SEMA4B: variants seen among roughly 807,000 people sequenced by gnomAD.
SEMA4B encodes semaphorin 4B.
SEMA4B carries 55 observed loss-of-function variants against 88.1 expected under a neutral mutation model. The ratio of observed to expected loss-of-function variants is 0.62; its 90% CI spans 0.50 to 0.78. SEMA4B has a LOEUF of 0.78. Ranked by LOEUF, SEMA4B falls within the 30% of genes least tolerant of loss-of-function variation. The probability of loss-of-function intolerance (pLI) is 0.00; values close to 1 mark genes in which losing one functional copy is unlikely to be tolerated. For synonymous variants in SEMA4B, 525 were observed against 473.6 expected, an observed-to-expected ratio of 1.11 and a Z score of -1.41; for missense variants, 1,062 against 1,111.9, an observed-to-expected ratio of 0.96 and a Z score of 0.64.
chr15:90,204,423 A>C (rs568401165), intron 1 of SEMA4B, among the ~76,000 whole-genome samples: 2 of 152,150 alleles, frequency 1.3e-5, no homozygotes, highest in Non-Finnish European at 2.9e-5. Context: ...ATTATTGTTG[A>C]TGAACAGCAC....
Position 90,212,035 on chromosome 15 carries a change from TTCCTGTCTCACCCC to T in SEMA4B, c.158-5403_158-5390del, listed in dbSNP as rs1419955105. ...AGGGTGGGGATGGTGCTGAGCCCTA[TTCCTGTCTCACCCC>T]AGAGAGCTCCAGGCTTCCGGCTGAG... On this transcript the variant is annotated intron_variant, in intron 1 of 13. Transcript: ENST00000411539. This position sits in a 1 kb window ranked among gnomAD's most constrained non-coding sequence, Gnocchi z 4.0. Among the ~76,000 whole-genome samples, 1 of 152,036 alleles carries T rather than the reference TTCCTGTCTCACCCC, an allele frequency of 6.6e-6. No homozygotes were observed. The highest frequency in any genetic ancestry group is 6.5e-5 in the Admixed American group (1 of 15,270).
At chr15:90,199,159 C>A (rs904935585), upstream of SEMA4B, among the ~76,000 whole-genome samples, 1 of 152,062 alleles carries the variant, frequency 6.6e-6, no homozygotes, top group African/African-American at 2.4e-5. Context: ...CAGGCGTGAG[C>A]CACCACCCCT....
chr15:90,212,400 C>T lies in SEMA4B; in HGVS notation c.158-5039C>T, dbSNP rs1251080117. 1.3e-5 allele frequency among the ~76,000 whole-genome samples: 2 copies of T among 152,128 alleles called. No homozygotes were observed. Among genetic ancestry groups the T allele is most frequent in the East Asian group, 1.9e-4 (1 of 5,190 alleles). ...AAAACCGGCCGCAGCCTCGGCGTGC[C>T]CTGCTTTCTTCATACTGGACTAACC... On this transcript the variant is annotated intron_variant, in intron 1 of 13. Coordinates refer to ENST00000411539, the MANE Select transcript of SEMA4B (RefSeq NM_198925.4). The surrounding 1 kb of genome is among the most constrained non-coding windows in gnomAD (Gnocchi z 4.0).
At chr15:90,226,669 G>A (rs907261548) in intron 12 of SEMA4B, among the ~76,000 whole-genome samples, 1 of 152,096 alleles carries the variant, frequency 6.6e-6, no homozygotes, top group African/African-American at 2.4e-5. Context: ...TATAACATTG[G>A]CAACTGTCCT....
chr15:90,222,210 G>C (rs1306859027), intron 7 of SEMA4B, among the ~76,000 whole-genome samples: 1 of 148,216 alleles, frequency 6.7e-6, no homozygotes, highest in African/African-American at 2.5e-5. Flanking sequence ...AAAGTGCTGG[G>C]ATTACAGGCA....
chr15:90,224,436 A>G (rs1340705974), intron 9 of SEMA4B, among the ~76,000 whole-genome samples: 2 of 152,224 alleles, frequency 1.3e-5, no homozygotes, highest in Non-Finnish European at 2.9e-5. Context: ...GATGCCAGGA[A>G]GCAGCATGAA....
At chr15:90,186,551 G>A (rs934495024) in intron 1 of SEMA4B, among the ~76,000 whole-genome samples, 7 of 151,988 alleles carry the variant, frequency 4.6e-5, no homozygotes, top group Admixed American at 2.6e-4. Context: ...TCTGGGAGGC[G>A]GAGGTTCCCT....
chr15:90,201,954 AGG>A (rs1021549719), intron 1 of SEMA4B, among the ~76,000 whole-genome samples: 1 of 152,146 alleles, frequency 6.6e-6, no homozygotes, highest in Non-Finnish European at 1.5e-5. Flanking sequence ...CTTTCTGCGT[AGG>A]GATGGGGTCT....
At chr15:90,192,586 C>CTTTTTTTTTTTTTTTTTTTTTTTTTTATT in intron 1 of SEMA4B, among the ~76,000 whole-genome samples, 1 of 88,668 alleles carries the variant, frequency 1.1e-5, no homozygotes, top group Non-Finnish European at 2.1e-5. Flanking sequence ...TCCCTTGTAG[C>CTTTTTTTTTTTTTTTTTTTTTTTTTTATT]TTTTTTTTTT....
intron 7 of SEMA4B, among the ~76,000 whole-genome samples, chr15:90,222,249 C>CTTTTTTT (rs766999023): frequency 9.6e-6 from 1 of 104,350 alleles, no homozygotes; most frequent in African/African-American, 4.9e-5. Context: ...CATTTTTTTT[C>CTTTTTTT]TTTTCTTTTT....
rs552151530 is a variant in SEMA4B, at chr15:90,193,566, C to G, written c.-121-7892C>G. The stretch of plus-strand genomic sequence containing the variant: ...AGCATTTGAGCAGGATATGATTATC[C>G]GCTTAGTGAGGCCGCATCAGCCCCT... On this transcript the variant is annotated intron_variant, in intron 1 of 14. Coordinates refer to the SEMA4B transcript ENST00000332496. The G allele has an allele frequency of 6.6e-5, 10 of 152,178 alleles. No individual in the cohort carries two copies. In the East Asian group the frequency reaches 1.9e-3, roughly 29 times the overall value. The allele number at this position is 152,178 out of a possible 1,614,324, so 9.4% of individuals were successfully genotyped here.
At chr15:90,185,243 G>A (rs1960129971) in intron 1 of SEMA4B, among the ~76,000 whole-genome samples, 1 of 152,250 alleles carries the variant, frequency 6.6e-6, no homozygotes, top group South Asian at 2.1e-4. Flanking sequence ...GGGCACTGGG[G>A]CCCGCCGCCC....
chr15:90,214,473 A>G (rs1961432464), intron 1 of SEMA4B, among the ~76,000 whole-genome samples: 1 of 151,934 alleles, frequency 6.6e-6, no homozygotes, highest in African/African-American at 2.4e-5. Flanking sequence ...CCCCGTCTCT[A>G]CTAAAAATAC....
At chr15:90,219,727 C>A in intron 3 of SEMA4B, 66 bp from the exon 4 acceptor site, 1 of 1,228,780 alleles carries the variant, frequency 8.1e-7, no homozygotes, top group Non-Finnish European at 1.2e-6. Flanking sequence ...GAAGGGGGGG[C>A]TCGGCGGTGC....
intron 12 of SEMA4B, 28 bp downstream of exon 12, chr15:90,225,855 T>C (rs1171270646): frequency 6.7e-7 from 1 of 1,489,188 alleles, no homozygotes; most frequent in Admixed American, 2.1e-5. Context: ...CCCCTTCCCA[T>C]CTGTCCAGCC....
At chr15:90,198,403 C>G (rs1032646634), upstream of SEMA4B, among the ~76,000 whole-genome samples, 10 of 152,114 alleles carry the variant, frequency 6.6e-5, no homozygotes, top group Middle Eastern at 6.3e-3. Flanking sequence ...CTTAACAAAC[C>G]AAATAAGCAA....
chr15:90,228,170 G>T lies in SEMA4B; in HGVS notation c.2041G>T (p.Asp681Tyr), dbSNP rs1183581673. ...AGAGGTGGTGGAGGACGGGGTGGCA[G>T]ACCAAACAGATGAGGGTGGCAGTGT... Reference protein sequence around the residue: ...CPEVVEDGVADQTDEGGSVPV... With the variant: ...CPEVVEDGVAYQTDEGGSVPV... The change falls in exon 14 of 14, where the codon GAC (aspartate) becomes TAC (tyrosine). Residue 681 changes from aspartate (D) to tyrosine (Y), a missense_variant. Transcript: ENST00000411539. 2 of 1,610,384 alleles carry T rather than the reference G, an allele frequency of 1.2e-6. No homozygotes were observed. Among genetic ancestry groups the T allele is most frequent in the South Asian group, 2.2e-5 (2 of 90,436 alleles).
chr15:90,209,742 G>C (rs1961169383), intron 1 of SEMA4B, among the ~76,000 whole-genome samples: 1 of 152,234 alleles, frequency 6.6e-6, no homozygotes, highest in Non-Finnish European at 1.5e-5. Context: ...CCTGGAGGAG[G>C]TGGAACTGAG....
intron 1 of SEMA4B, among the ~76,000 whole-genome samples, chr15:90,194,534 A>G (rs990520361): frequency 7.9e-5 from 12 of 151,658 alleles, no homozygotes; most frequent in Non-Finnish European, 1.6e-4. Flanking sequence ...CACCATCTCA[A>G]AAAAAAAACA....
Sources: gnomAD v4.1 joint callset for allele counts (sites outside exome capture counted in the v4.1 genomes callset) on GRCh38, gnomAD v4.1.1 for gene constraint, Gnocchi (gnomAD v3.1) non-coding constraint, MANE v1.5 for transcripts, NCBI Gene and HGNC (gene_info 2026-07-23, HGNC 2026-07-21) for gene names.